ADAM17: variants seen among roughly 807,000 people sequenced by gnomAD.
ADAM17 encodes the protein disintegrin and metalloproteinase domain-containing protein 17.
ADAM17 carries 39 observed loss-of-function variants against 96.7 expected under a neutral mutation model. The ratio of observed to expected loss-of-function variants is 0.40; its 90% CI spans 0.31 to 0.53. ADAM17 has a LOEUF of 0.53. ADAM17 is among the 20% of genes least tolerant of loss of function. The pLI, the probability that ADAM17 is intolerant of heterozygous loss-of-function variation, is 0.44. For missense variants in ADAM17, 777 were observed against 1,013.2 expected (o/e 0.77, Z 3.17); for synonymous variants, 344 against 359.2 (o/e 0.96, Z 0.48).
At chr2:9,514,570 A>AT (rs1663954843) in intron 10 of ADAM17, among the ~76,000 whole-genome samples, 14 of 92,846 alleles carry the variant, frequency 1.5e-4, no homozygotes, top group Admixed American at 5.4e-4. Flanking sequence ...TATATATATA[A>AT]ATAAAAAGAG....
intron 15 of ADAM17, 148 bp downstream of exon 15, chr2:9,494,489 C>T (rs1662405313): frequency 1.1e-6 from 1 of 904,266 alleles, no homozygotes; most frequent in African/African-American, 1.7e-5. Flanking sequence ...CCGTCTTCTC[C>T]TCCTAAGTAA....
At chr2:9,534,180 C>T (rs573962731) in intron 4 of ADAM17, among the ~76,000 whole-genome samples, 1 of 152,278 alleles carries the variant, frequency 6.6e-6, no homozygotes, top group South Asian at 2.1e-4. Context: ...ACCATCCTGG[C>T]CAACATGGTG....
intron 1 of ADAM17, among the ~76,000 whole-genome samples, chr2:9,546,598 T>C (rs1665410892): frequency 1.3e-5 from 2 of 152,194 alleles, no homozygotes. Flanking sequence ...CTCTTATCCA[T>C]ATCCAATTCT....
chr2:9,504,719 G>A (rs62117542), intron 12 of ADAM17, among the ~76,000 whole-genome samples: 12,033 of 147,062 alleles, frequency 0.082, 582 homozygotes, highest in African/African-American at 0.14. Context: ...CCAAGATCGC[G>A]CCACTGCACT....
rs764383827 is a variant in ADAM17, at chr2:9,555,494, C to G, written c.97+15G>C. 1.3e-6 allele frequency: 2 copies of G among 1,578,344 alleles called. No homozygotes were observed. The highest frequency in any genetic ancestry group is 1.8e-5 in the Admixed American group (1 of 54,490). On this transcript the variant is annotated intron_variant, in intron 1 of 18. Coordinates refer to ENST00000310823, the MANE Select transcript of ADAM17 (RefSeq NM_003183.6). ...CTCCAGGCGCCGGCCTAAGCCAACT[C>G]CCCTGGGTCTTTACCGAGTCTCTGG...
chr2:9,536,877 T>A, intron 2 of ADAM17, 49 bp from the exon 3 acceptor site: 1 of 1,587,866 alleles, frequency 6.3e-7, no homozygotes, highest in Non-Finnish European at 8.6e-7. Context: ...AAATTTTAAG[T>A]CTCATTTTCA....
intron 13 of ADAM17, among the ~76,000 whole-genome samples, chr2:9,500,717 G>A (rs1053156764): frequency 6.6e-6 from 1 of 152,048 alleles, no homozygotes; most frequent in South Asian, 2.1e-4. Context: ...AAAAAACATC[G>A]CAAGGGTAAA....
At position 9,488,669 on chromosome 2, in the gene ADAM17, A is replaced by G. The variant is rs1661793610; in HGVS notation, c.*1508T>C. 1.2e-5 allele frequency: 2 copies of G among 171,850 alleles called. No homozygotes were observed. Among genetic ancestry groups the G allele is most frequent in the Non-Finnish European group, 2.5e-5 (2 of 81,616 alleles). 10.6% of individuals were successfully genotyped at this position (171,850 alleles called of 1,614,324 possible). A position where few individuals can be genotyped will look rare whatever the true frequency, so the allele number is the denominator to read the frequency against. On this transcript the variant is annotated 3_prime_UTR_variant, in exon 19 of 19. Coordinates refer to ENST00000310823, the MANE Select transcript of ADAM17 (RefSeq NM_003183.6). ...ACTCATACATACACCCACACACCCC[A>G]CTCAACCTTGTATCAAATTCCAAAA...
Position 9,510,143 on chromosome 2 carries a change from T to A in ADAM17, c.1192-12A>T. ...ACCAGGTCAGCTTCCTTAAGGATCA[T>A]GCAAAGAAAACATTATTTCTCAATA... is the stretch of plus-strand genomic sequence containing the variant. On this transcript the variant is annotated splice_polypyrimidine_tract_variant and intron_variant, in intron 10 of 18. Coordinates refer to ENST00000310823, the MANE Select transcript of ADAM17 (RefSeq NM_003183.6). The A allele has an allele frequency of 6.2e-7, 1 of 1,613,942 alleles. No homozygotes were observed. The highest frequency in any genetic ancestry group is 1.3e-5 in the African/African-American group (1 of 75,058).
chr2:9,539,052 A>G (rs537711155), intron 2 of ADAM17, among the ~76,000 whole-genome samples: 2 of 152,320 alleles, frequency 1.3e-5, no homozygotes, highest in South Asian at 4.1e-4. Flanking sequence ...TCAAAAAAGT[A>G]TCAAAACAGT....
rs1048610 is a variant in ADAM17, at chr2:9,494,727, A to G, written c.1824T>C (p.Ser608=). The change falls in exon 15 of 19, where the codon TCT becomes TCC. Residue 608 remains serine (S), a synonymous_variant. Coordinates refer to ENST00000310823, the MANE Select transcript of ADAM17 (RefSeq NM_003183.6). Reference sequence around the variant, plus strand: ...CATCGACATAGGGCACACAGCGGCCAGAAAGGTCCCTGCAGCACACCTTGC... The same window carrying G: ...CATCGACATAGGGCACACAGCGGCCGGAAAGGTCCCTGCAGCACACCTTGC... ...NSCKVCCRDL[S]GRCVPYVDAE... The G allele has an allele frequency of 0.57, 914,996 of 1,613,660 alleles. 270,279 individuals are homozygous for G. The highest frequency in any genetic ancestry group is 0.72 in the African/African-American group (53,790 of 74,942).
intron 10 of ADAM17, among the ~76,000 whole-genome samples, chr2:9,510,537 G>A (rs1445721453): frequency 3.9e-5 from 6 of 152,084 alleles, no homozygotes; most frequent in African/African-American, 9.7e-5. Context: ...GGAGGCACGC[G>A]CCTGTAATCT....
intron 13 of ADAM17, among the ~76,000 whole-genome samples, chr2:9,499,592 C>G (rs1300837996): frequency 2.0e-5 from 3 of 152,098 alleles, no homozygotes; most frequent in Admixed American, 2.0e-4. Flanking sequence ...TTAGTAGACA[C>G]AGGGTTTCAC....
chr2:9,496,735 G>C (rs191534982), intron 14 of ADAM17, among the ~76,000 whole-genome samples: 11 of 152,308 alleles, frequency 7.2e-5, no homozygotes, highest in Middle Eastern at 6.8e-3. Context: ...GAGTATCCTA[G>C]TTCCATGCCA....
chr2:9,493,887 A>G (rs1662353190), intron 15 of ADAM17, 62 bp from the exon 16 acceptor site: 1 of 1,412,384 alleles, frequency 7.1e-7, no homozygotes, highest in Admixed American at 1.8e-5. Flanking sequence ...GAAGCAATGT[A>G]GCTTTATAAA....
chr2:9,523,251 G>A lies in ADAM17; in HGVS notation c.841C>T (p.Gln281Ter). The A allele has an allele frequency of 6.2e-7, 1 of 1,601,248 alleles. No individual in the cohort carries two copies. Among genetic ancestry groups the A allele is most frequent in the Non-Finnish European group, 8.5e-7 (1 of 1,170,166 alleles). ...AAGCCATATCTATTGATAAATACCT[G>A]CTCTATCTGTATTCCATAGCCTTTA... ...GFKGYGIQIE[Q>*]IRILKSPQEV... Residue 281 changes from glutamine (Q) to a stop codon, truncating the protein, a stop_gained and splice_region_variant, in exon 7 of 19, where the codon CAG (glutamine) becomes TAG (stop). Coordinates refer to ENST00000310823, the MANE Select transcript of ADAM17 (RefSeq NM_003183.6). LOFTEE classifies it high-confidence loss of function.
At position 9,489,191 on chromosome 2, in the gene ADAM17, T is replaced by A. The variant is rs1661862500; in HGVS notation, c.*986A>T. On this transcript the variant is annotated 3_prime_UTR_variant, in exon 19 of 19. Coordinates refer to ENST00000310823, the MANE Select transcript of ADAM17 (RefSeq NM_003183.6). ...GTTGTTGTTAAGAAATATCTCACCC[T>A]CTTATTCAATAGTGTTTGAAAACAG... 6.6e-6 allele frequency: 1 copy of A among 151,820 alleles called. No homozygotes were observed. The highest frequency in any genetic ancestry group is 6.6e-5 in the Admixed American group (1 of 15,254). 9.4% of individuals were successfully genotyped at this position (151,820 alleles called of 1,614,324 possible).
intron 1 of ADAM17, among the ~76,000 whole-genome samples, chr2:9,548,759 A>G (rs1022436677): frequency 5.3e-5 from 8 of 152,228 alleles, no homozygotes; most frequent in African/African-American, 1.9e-4. Context: ...CTATGTTATC[A>G]CAAGATTCTT....
At chr2:9,524,338 C>A (rs535193634) in intron 6 of ADAM17, among the ~76,000 whole-genome samples, 17 of 152,000 alleles carry the variant, frequency 1.1e-4, no homozygotes, top group African/African-American at 3.9e-4. Flanking sequence ...TACTAAAAAT[C>A]AAAAAACTTA....
Sources: gnomAD v4.1 joint callset for allele counts (sites outside exome capture counted in the v4.1 genomes callset) on GRCh38, gnomAD v4.1.1 for gene constraint, MANE v1.5 for transcripts, NCBI Gene and HGNC (gene_info 2026-07-23, HGNC 2026-07-21) for gene names.